Variants in ADD3 observed in about 807,000 individuals in gnomAD.
The protein encoded by ADD3 is gamma-adducin.
A neutral mutation model predicts 80.2 loss-of-function variants in ADD3; 25 were observed. That is an observed-to-expected ratio of 0.31 (90% confidence interval 0.23 to 0.44). The LOEUF is 0.44. ADD3 is among the 20% of genes least tolerant of loss of function. The probability of loss-of-function intolerance (pLI) is 1.00; values close to 1 mark genes in which losing one functional copy is unlikely to be tolerated. For synonymous variants in ADD3, 284 were observed against 289.6 expected, an observed-to-expected ratio of 0.98 and a Z score of 0.20; for missense variants, 829 against 847.5, an observed-to-expected ratio of 0.98 and a Z score of 0.27.
At chr10:109,998,729 C>A (rs544062348) in intron 1 of ADD3, among the ~76,000 whole-genome samples, 1 of 152,208 alleles carries the variant, frequency 6.6e-6, no homozygotes, top group South Asian at 2.1e-4. Context: ...GCCTCATGAC[C>A]TTTGAACTTA....
chr10:110,027,585 G>A (rs908539167), intron 1 of ADD3, among the ~76,000 whole-genome samples: 2 of 152,000 alleles, frequency 1.3e-5, no homozygotes, highest in African/African-American at 2.4e-5. Flanking sequence ...CTTAATTCAG[G>A]CTAGCCACAG....
chr10:110,065,638 C>T (rs917474962), intron 1 of ADD3, among the ~76,000 whole-genome samples: 2 of 149,202 alleles, frequency 1.3e-5, no homozygotes, highest in African/African-American at 4.9e-5. Context: ...CTCCCAGGTT[C>T]AAGTGATCCT....
intron 1 of ADD3, among the ~76,000 whole-genome samples, chr10:110,054,168 A>T (rs72828273): frequency 0.02 from 3,088 of 152,328 alleles, 54 homozygotes; most frequent in Middle Eastern, 0.054. Context: ...TGAAAGATGT[A>T]CCTGACTTTG....
At chr10:110,095,099 T>C (rs1377625918) in intron 1 of ADD3, among the ~76,000 whole-genome samples, 3 of 152,234 alleles carry the variant, frequency 2.0e-5, no homozygotes, top group Admixed American at 2.0e-4. Context: ...TATAGTAAAG[T>C]AACTTAATTC....
chr10:110,084,585 C>T (rs1413628748), intron 1 of ADD3, among the ~76,000 whole-genome samples: 1 of 152,148 alleles, frequency 6.6e-6, no homozygotes. Context: ...ACTTGGGACA[C>T]GTCACTCTCT....
intron 1 of ADD3, among the ~76,000 whole-genome samples, chr10:110,050,518 TTTTTTTTTTC>T (rs982249447): frequency 3.3e-5 from 5 of 150,836 alleles, no homozygotes; most frequent in South Asian, 2.1e-4. Context: ...TTTTTTTTTT[TTTTTTTTTTC>T]CTGAAGCGGA....
At chr10:110,097,016 G>A (rs1458035434) in intron 1 of ADD3, among the ~76,000 whole-genome samples, 1 of 152,024 alleles carries the variant, frequency 6.6e-6, no homozygotes, top group Non-Finnish European at 1.5e-5. Context: ...TGAACATAGG[G>A]GTATTTTTCT....
At chr10:110,015,430 C>T (rs1460623490) in intron 1 of ADD3, among the ~76,000 whole-genome samples, 1 of 148,652 alleles carries the variant, frequency 6.7e-6, no homozygotes, top group Non-Finnish European at 1.5e-5. Context: ...GGCTGGAGTG[C>T]AGTGGCCTGA....
intron 1 of ADD3, among the ~76,000 whole-genome samples, chr10:110,043,335 A>C (rs966086206): frequency 5.3e-5 from 8 of 152,116 alleles, no homozygotes. Context: ...AACAAATCCT[A>C]TTTATTTTTT....
intron 1 of ADD3, among the ~76,000 whole-genome samples, chr10:110,082,323 A>G (rs1846163090): frequency 6.6e-6 from 1 of 152,048 alleles, no homozygotes; most frequent in Non-Finnish European, 1.5e-5. Context: ...AAAAGATCAG[A>G]AAAAAAATGC....
chr10:110,023,369 C>T (rs1424048860), intron 1 of ADD3, among the ~76,000 whole-genome samples: 1 of 152,146 alleles, frequency 6.6e-6, no homozygotes, highest in Non-Finnish European at 1.5e-5. Flanking sequence ...TTAGACTTCC[C>T]AGGCTTCAGA....
intron 1 of ADD3, among the ~76,000 whole-genome samples, chr10:110,067,533 C>G (rs1454793613): frequency 6.6e-6 from 1 of 152,182 alleles, no homozygotes; most frequent in Non-Finnish European, 1.5e-5. Context: ...AAATATCCCA[C>G]AGGAGTCACA....
At chr10:110,116,143 C>A in intron 3 of ADD3, 116 bp from the exon 4 acceptor site, 1 of 920,134 alleles carries the variant, frequency 1.1e-6, no homozygotes, top group South Asian at 1.7e-5. Context: ...TGATAAATTT[C>A]AGATTATTAT....
rs1039999237 is a variant in ADD3 at position 110,041,675 on chromosome 10, A to G, written c.-30+33376A>G. Among the ~76,000 whole-genome samples the G allele has an allele frequency of 5.3e-5, 8 of 152,186 alleles. No homozygotes were observed. In the South Asian group the frequency reaches 6.2e-4, roughly 12 times the overall value. On this transcript the variant is annotated intron_variant, in intron 1 of 14. Transcript: ENST00000356080. ...GGTTCTCTGTCATACAAGAAATGCA[A>G]GATTGTGAGAACTAAGCTGTTATAA...
At chr10:109,999,706 A>G (rs988100237) in intron 1 of ADD3, among the ~76,000 whole-genome samples, 2 of 152,190 alleles carry the variant, frequency 1.3e-5, no homozygotes, top group African/African-American at 4.8e-5. Flanking sequence ...GCTATAACAA[A>G]TATTATTTTC....
chr10:110,039,620 T>G (rs1856055994), intron 1 of ADD3, among the ~76,000 whole-genome samples: 1 of 152,218 alleles, frequency 6.6e-6, no homozygotes, highest in Non-Finnish European at 1.5e-5. Context: ...TATTGCTACA[T>G]AACAAATTAC....
chr10:110,115,440 G>C (rs1045309725), intron 3 of ADD3, among the ~76,000 whole-genome samples: 4 of 151,986 alleles, frequency 2.6e-5, no homozygotes, highest in Admixed American at 2.0e-4. Context: ...GACCTGATCA[G>C]AACTAAAGAC....
At chr10:110,067,713 C>T (rs1349023249) in intron 1 of ADD3, among the ~76,000 whole-genome samples, 4 of 152,112 alleles carry the variant, frequency 2.6e-5, no homozygotes, top group Non-Finnish European at 5.9e-5. Flanking sequence ...TGGCATGGTC[C>T]ACAAGATAAA....
At chr10:110,131,819 T>TTA (rs1440964037) in intron 13 of ADD3, among the ~76,000 whole-genome samples, 1 of 152,232 alleles carries the variant, frequency 6.6e-6, no homozygotes, top group Non-Finnish European at 1.5e-5. Flanking sequence ...GTCACCTTTT[T>TTA]TATATAACTT....
Sources: gnomAD v4.1 joint callset for allele counts (sites outside exome capture counted in the v4.1 genomes callset) on GRCh38, gnomAD v4.1.1 for gene constraint, MANE v1.5 for transcripts, NCBI Gene and HGNC (gene_info 2026-07-23, HGNC 2026-07-21) for gene names.